ZDHHC21: variants seen among roughly 807,000 people sequenced by gnomAD.
ZDHHC21 encodes palmitoyltransferase ZDHHC21.
In ZDHHC21, 15 loss-of-function variants were observed where a neutral mutation model predicts 34.6. The observed-to-expected ratio is 0.43, with a 90% CI of 0.29 to 0.67. The LOEUF (loss-of-function observed/expected upper bound fraction) is 0.67. ZDHHC21 is among the 30% of genes least tolerant of loss of function. The pLI, the probability that ZDHHC21 is intolerant of heterozygous loss-of-function variation, is 0.14. For missense variants in ZDHHC21, 344 were observed against 327.7 expected, an observed-to-expected ratio of 1.05 and a Z score of -0.38; for synonymous variants, 142 against 101.8, an observed-to-expected ratio of 1.40 and a Z score of -2.38.
chr9:14,606,390 T>C (rs1823016070), downstream of ZDHHC21, among the ~76,000 whole-genome samples: 1 of 152,216 alleles, frequency 6.6e-6, no homozygotes, highest in Non-Finnish European at 1.5e-5. Context: ...CCCAAAGTTA[T>C]ATGTAGAGGT....
intron 7 of ZDHHC21, among the ~76,000 whole-genome samples, chr9:14,658,465 T>C (rs13291303): frequency 3.8e-5 from 1 of 26,496 alleles, no homozygotes; most frequent in Non-Finnish European, 7.0e-5. Context: ...TAAACATTTC[T>C]TTTTTTTTTT....
intron 2 of ZDHHC21, among the ~76,000 whole-genome samples, chr9:14,687,245 A>G (rs1838463732): frequency 6.6e-6 from 1 of 150,812 alleles, no homozygotes; most frequent in Non-Finnish European, 1.5e-5. Flanking sequence ...CTTAAAATCA[A>G]GAAAAATCCT....
In ZDHHC21 at chr9:14,693,343, G is replaced by A; in HGVS notation, c.-339C>T. ...CCGGCGCCGCCGCCCAGGCCGGGCC[G>A]CTCTCCCCTTCCGCTTCCGGGAGCC... On this transcript the variant is annotated 5_prime_UTR_variant, in exon 1 of 10. Coordinates refer to ENST00000380916, the MANE Select transcript of ZDHHC21 (RefSeq NM_178566.6). 4.9e-6 allele frequency: 2 copies of A among 410,050 alleles called. No individual in the cohort carries two copies. Among genetic ancestry groups the A allele is most frequent in the Non-Finnish European group, 4.8e-6 (1 of 208,282 alleles). The allele number at this position is 410,050 out of a possible 1,614,324, so 25.4% of individuals were successfully genotyped here.
rs542798797 is a variant in ZDHHC21, at chr9:14,616,891, G to C, written c.*2075C>G. The C allele has an allele frequency of 1.3e-5, 2 of 151,910 alleles. No homozygotes were observed. The highest frequency in any genetic ancestry group is 4.8e-5 in the African/African-American group (2 of 41,526). The allele number at this position is 151,910 out of a possible 1,614,324, so 9.4% of individuals were successfully genotyped here. ...TAAAGAGGAAGAGGGAAAAGAATAT[G>C]CCCTAGATGAGGTAAATCTAGGAAA... On this transcript the variant is annotated 3_prime_UTR_variant, in exon 10 of 10. Transcript: ENST00000380916.
At chr9:14,668,933 T>C (rs1487934617) in intron 5 of ZDHHC21, among the ~76,000 whole-genome samples, 12 of 112,196 alleles carry the variant, frequency 1.1e-4, no homozygotes, top group South Asian at 3.8e-4. Flanking sequence ...ATTCAGGACA[T>C]AGGCATGGGC....
Position 14,639,964 on chromosome 9 carries a change from A to G in ZDHHC21, c.553T>C (p.Phe185Leu). Reference protein sequence around the residue: ...HELAIMRLAAFMGITMLVGIT... With the variant: ...HELAIMRLAALMGITMLVGIT... ...CCAACTAACATAGTAATGCCCATAA[A>G]GGCTGCTAGTCTCATTATGGCCAAT... The change falls in exon 8 of 10, where the codon TTT becomes CTT. Residue 185 changes from phenylalanine to leucine, a missense_variant. Physicochemically the swap from Phe to Leu is conservative, Grantham distance 22. Transcript: ENST00000380916. The G allele has an allele frequency of 6.2e-7, 1 of 1,609,970 alleles. No homozygotes were observed. The highest frequency in any genetic ancestry group is 8.5e-7 in the Non-Finnish European group (1 of 1,177,656).
At chr9:14,687,103 A>G (rs1838441744) in intron 2 of ZDHHC21, among the ~76,000 whole-genome samples, 1 of 151,034 alleles carries the variant, frequency 6.6e-6, no homozygotes, top group Non-Finnish European at 1.5e-5. Flanking sequence ...GGCCAAAAAC[A>G]ATAATGCTAC....
intron 7 of ZDHHC21, among the ~76,000 whole-genome samples, chr9:14,644,903 G>GA (rs1418622629): frequency 6.6e-6 from 1 of 151,394 alleles, no homozygotes; most frequent in Non-Finnish European, 1.5e-5. Context: ...TATTTCATAG[G>GA]AAAAAACAAA....
chr9:14,693,021 C>G (rs749164290), intron 1 of ZDHHC21, among the ~76,000 whole-genome samples: 1 of 151,742 alleles, frequency 6.6e-6, no homozygotes, highest in Non-Finnish European at 1.5e-5. Flanking sequence ...CTGAAAAAGG[C>G]CAGGCCTGGG....
Position 14,615,204 on chromosome 9 carries a change from A to G in ZDHHC21, c.*3762T>C, listed in dbSNP as rs938970359. 5 of 151,756 alleles carry G rather than the reference A, an allele frequency of 3.3e-5. No individual in the cohort carries two copies. Among genetic ancestry groups the G allele is most frequent in the East Asian group, 1.9e-4 (1 of 5,198 alleles). 9.4% of individuals were successfully genotyped at this position (151,756 alleles called of 1,614,324 possible). ...AAGTGTTGTCCTAACTTAAGTCTTC[A>G]TGATTAGCATTCAGAATTAATACAC... On this transcript the variant is annotated 3_prime_UTR_variant, in exon 10 of 10. Transcript: ENST00000380916.
At chr9:14,630,003 G>A (rs576626821) in intron 8 of ZDHHC21, among the ~76,000 whole-genome samples, 14 of 152,134 alleles carry the variant, frequency 9.2e-5, no homozygotes, top group Admixed American at 5.2e-4. Context: ...CCGAGATCAC[G>A]CCACTGCACG....
the ZDHHC21 span, among the ~76,000 whole-genome samples, chr9:14,590,598 G>A: frequency 2.0e-5 from 3 of 152,136 alleles, no homozygotes; most frequent in Non-Finnish European, 4.4e-5. Context: ...GGAAGGGGCT[G>A]AATGTGGGGA....
chr9:14,623,379 G>C (rs1825648133), intron 8 of ZDHHC21, among the ~76,000 whole-genome samples: 1 of 151,870 alleles, frequency 6.6e-6, no homozygotes, highest in Non-Finnish European at 1.5e-5. Context: ...TAAAAAATTA[G>C]CAGGCATGGC....
chr9:14,592,210 A>G, the ZDHHC21 span, among the ~76,000 whole-genome samples: 1 of 151,876 alleles, frequency 6.6e-6, no homozygotes, highest in South Asian at 2.1e-4. Flanking sequence ...TTACTGGCTT[A>G]TTTTCTTAGC....
chr9:14,634,803 T>C (rs1476041580), intron 8 of ZDHHC21, among the ~76,000 whole-genome samples: 3 of 152,012 alleles, frequency 2.0e-5, no homozygotes, highest in African/African-American at 4.8e-5. Context: ...GCAGGAAATA[T>C]GGCACTCCAA....
chr9:14,674,282 A>G lies in ZDHHC21; in HGVS notation c.59T>C (p.Ile20Thr). ...DPHGWCCMGL[I>T]VFVWLYNIVL... Reference sequence around the variant, plus strand: ...AATATTGTATAACCAAACAAAGACAATCAAACCCATGCAGCACCAACCATG... The same window carrying G: ...AATATTGTATAACCAAACAAAGACAGTCAAACCCATGCAGCACCAACCATG... Residue 20 changes from isoleucine to threonine, a missense_variant, in exon 4 of 10, where the codon ATT (isoleucine) becomes ACT (threonine). Ile to Thr is a moderately conservative substitution (Grantham distance 89). Coordinates refer to ENST00000380916, the MANE Select transcript of ZDHHC21 (RefSeq NM_178566.6). 1 of 1,598,578 alleles carries G rather than the reference A, an allele frequency of 6.3e-7. No individual in the cohort carries two copies. The highest frequency in any genetic ancestry group is 8.5e-7 in the Non-Finnish European group (1 of 1,174,262).
At chr9:14,646,496 A>T (rs1282147410) in intron 7 of ZDHHC21, among the ~76,000 whole-genome samples, 2 of 152,170 alleles carry the variant, frequency 1.3e-5, no homozygotes, top group African/African-American at 4.8e-5. Flanking sequence ...TTGTCAAATA[A>T]GACACAGAAA....
At position 14,615,261 on chromosome 9, in the gene ZDHHC21, AC is replaced by A. The variant is rs2133386166; in HGVS notation, c.*3704del. On this transcript the variant is annotated 3_prime_UTR_variant, in exon 10 of 10. Transcript: ENST00000380916. The stretch of plus-strand genomic sequence containing the variant: ...GAGTGAAACATATCACCCACTAGTT[AC>A]TTGTATGGGAGTGACTTGAATGTGT... 1 of 151,804 alleles carries A rather than the reference AC, an allele frequency of 6.6e-6. No homozygotes were observed. The highest frequency in any genetic ancestry group is 2.4e-5 in the African/African-American group (1 of 41,532). The allele number at this position is 151,804 out of a possible 1,614,324, so 9.4% of individuals were successfully genotyped here. A position where few individuals can be genotyped will look rare whatever the true frequency, so the allele number is the denominator to read the frequency against.
At chr9:14,659,132 C>T (rs560734703) in intron 6 of ZDHHC21, among the ~76,000 whole-genome samples, 17 of 152,174 alleles carry the variant, frequency 1.1e-4, no homozygotes, top group African/African-American at 3.6e-4. Flanking sequence ...AACAACTCAG[C>T]GAGACAGGAA....
Sources: gnomAD v4.1 joint callset for allele counts (sites outside exome capture counted in the v4.1 genomes callset) on GRCh38, gnomAD v4.1.1 for gene constraint, MANE v1.5 for transcripts, NCBI Gene and HGNC (gene_info 2026-07-23, HGNC 2026-07-21) for gene names.